The following ASCC3 variants were observed in gnomAD, a reference collection of about 807,000 sequenced individuals.
ASCC3 encodes activating signal cointegrator 1 complex subunit 3, also known as ASC-1 complex subunit P200.
ASCC3 carries 158 observed loss-of-function variants against 256.3 expected under a neutral mutation model. The observed-to-expected ratio is 0.62, with a 90% CI of 0.54 to 0.70. The LOEUF is 0.70. Among genes scored for constraint, ASCC3 ranks in the 30% least tolerant of loss-of-function variants. The pLI is 0.00. For missense variants in ASCC3, 2,259 were observed against 2,626.0 expected, an observed-to-expected ratio of 0.86 and a Z score of 3.05; for synonymous variants, 948 against 883.4, an observed-to-expected ratio of 1.07 and a Z score of -1.30.
At chr6:100,670,101 G>T (rs1370970395) in intron 14 of ASCC3, among the ~76,000 whole-genome samples, 1 of 151,844 alleles carries the variant, frequency 6.6e-6, no homozygotes, top group East Asian at 1.9e-4. Flanking sequence ...TACACAACGG[G>T]CCAAGATTAT....
In ASCC3 at chr6:100,647,303, G is replaced by C; in HGVS notation, c.3401C>G (p.Pro1134Arg). ...ASPLRQFSIL[P>R]PHILTRLEEK... ...TTCTAATCTTGTTAGGATGTGTGGT[G>C]GTAGGATTGAAAATTGTCTCAAAGG... The change falls in exon 21 of 42, where the codon CCA becomes CGA. Residue 1134 changes from proline to arginine, a missense_variant. By Grantham distance (103) the Pro-to-Arg change is moderately radical. Transcript: ENST00000369162. 6.2e-7 allele frequency: 1 copy of C among 1,613,926 alleles called. No individual in the cohort carries two copies. The highest frequency in any genetic ancestry group is 8.5e-7 in the Non-Finnish European group (1 of 1,179,930).
At chr6:100,859,299 C>T (rs912542813) in intron 3 of ASCC3, 1 of 772,856 alleles carries the variant, frequency 1.3e-6, no homozygotes, top group African/African-American at 1.7e-5. Flanking sequence ...TTGATAACTT[C>T]TCTGATATAG....
chr6:100,841,732 C>T (rs1772153003), intron 4 of ASCC3, among the ~76,000 whole-genome samples: 1 of 151,818 alleles, frequency 6.6e-6, no homozygotes, highest in Non-Finnish European at 1.5e-5. Flanking sequence ...CATCATATGT[C>T]TAAAAGACAG....
chr6:100,867,333 A>G (rs567257769), intron 2 of ASCC3, among the ~76,000 whole-genome samples: 2 of 152,332 alleles, frequency 1.3e-5, no homozygotes, highest in African/African-American at 4.8e-5. Flanking sequence ...CAGTCCATGT[A>G]CATTTAATTT....
chr6:100,745,056 C>A (rs1012491528), intron 10 of ASCC3, among the ~76,000 whole-genome samples: 1 of 152,064 alleles, frequency 6.6e-6, no homozygotes, highest in Non-Finnish European at 1.5e-5. Context: ...GGGCCAGGTG[C>A]GGGGGCTCAC....
chr6:100,730,190 A>G (rs1220468682), intron 10 of ASCC3, among the ~76,000 whole-genome samples: 1 of 151,778 alleles, frequency 6.6e-6, no homozygotes, highest in Non-Finnish European at 1.5e-5. Flanking sequence ...GTAGTCTTAC[A>G]GGGGGCTGAA....
At chr6:100,621,631 C>G (rs1168065678) in intron 30 of ASCC3, among the ~76,000 whole-genome samples, 1 of 152,130 alleles carries the variant, frequency 6.6e-6, no homozygotes, top group Non-Finnish European at 1.5e-5. Flanking sequence ...CACTTTTACA[C>G]TGTTGGTGAG....
intron 13 of ASCC3, among the ~76,000 whole-genome samples, chr6:100,697,058 A>G (rs1455992359): frequency 6.6e-6 from 1 of 152,116 alleles, no homozygotes; most frequent in Admixed American, 6.5e-5. Context: ...CAAAATTTTA[A>G]AACACATTTT....
intron 10 of ASCC3, among the ~76,000 whole-genome samples, chr6:100,753,511 A>T (rs1425350338): frequency 6.7e-6 from 1 of 149,772 alleles, no homozygotes; most frequent in Non-Finnish European, 1.5e-5. Flanking sequence ...TTTTTTTTAA[A>T]AAAAAAAACA....
At chr6:100,580,826 T>C (rs12192249) in intron 36 of ASCC3, among the ~76,000 whole-genome samples, 1 of 149,080 alleles carries the variant, frequency 6.7e-6, no homozygotes, top group Admixed American at 6.7e-5. Flanking sequence ...AGTGAGAATA[T>C]GCGGTGTTTG....
intron 36 of ASCC3, among the ~76,000 whole-genome samples, chr6:100,587,613 CTTGCTGTGGAAATTT>C (rs1771770849): frequency 6.6e-6 from 1 of 152,182 alleles, no homozygotes; most frequent in South Asian, 2.1e-4. Flanking sequence ...AGAAGATATT[CTTGCTGTGGAAATTT>C]TTATGGGGTA....
At chr6:100,796,394 G>C (rs1769615769) in intron 8 of ASCC3, among the ~76,000 whole-genome samples, 1 of 152,054 alleles carries the variant, frequency 6.6e-6, no homozygotes, top group Non-Finnish European at 1.5e-5. Flanking sequence ...CTGCATACCA[G>C]GTTTATAACA....
intron 13 of ASCC3, among the ~76,000 whole-genome samples, chr6:100,705,413 GTTTA>G (rs1317599868): frequency 2.0e-5 from 3 of 151,960 alleles, no homozygotes; most frequent in Non-Finnish European, 4.4e-5. Context: ...GAATTCATTT[GTTTA>G]TTTAAGATAA....
intron 30 of ASCC3, among the ~76,000 whole-genome samples, chr6:100,621,429 A>G (rs1354179190): frequency 1.3e-5 from 2 of 152,204 alleles, no homozygotes; most frequent in Admixed American, 6.5e-5. Context: ...TGGGCAAAGG[A>G]TATGAACAGA....
intron 30 of ASCC3, among the ~76,000 whole-genome samples, chr6:100,623,982 G>A (rs1774099391): frequency 6.6e-6 from 1 of 151,950 alleles, no homozygotes; most frequent in African/African-American, 2.4e-5. Context: ...GGGAGGAGGG[G>A]GGAGGGATAG....
intron 8 of ASCC3, among the ~76,000 whole-genome samples, chr6:100,790,104 A>T (rs1481276084): frequency 6.6e-6 from 1 of 151,970 alleles, no homozygotes; most frequent in Admixed American, 6.6e-5. Context: ...CAATGTGAGA[A>T]ATTAATTGAA....
chr6:100,608,097 C>CATATGTATGTATATATATGTATATAT (rs1391815541), intron 30 of ASCC3, among the ~76,000 whole-genome samples: 1 of 45,026 alleles, frequency 2.2e-5, no homozygotes, highest in Non-Finnish European at 4.1e-5. Context: ...TATCTATATA[C>CATATGTATGTATATATATGTATATAT]ACATATATAT....
chr6:100,523,304 C>A (rs1489362394), intron 37 of ASCC3, among the ~76,000 whole-genome samples: 24 of 151,902 alleles, frequency 1.6e-4, no homozygotes. Flanking sequence ...AATTTTTCAA[C>A]AATAAAATGC....
At chr6:100,664,913 T>G (rs1487620428) in intron 14 of ASCC3, among the ~76,000 whole-genome samples, 1 of 152,144 alleles carries the variant, frequency 6.6e-6, no homozygotes, top group Admixed American at 6.6e-5. Flanking sequence ...ATTGCTGGAT[T>G]GCTGTTTGGT....
Sources: gnomAD v4.1 joint callset for allele counts (sites outside exome capture counted in the v4.1 genomes callset) on GRCh38, gnomAD v4.1.1 for gene constraint, MANE v1.5 for transcripts, NCBI Gene and HGNC (gene_info 2026-07-23, HGNC 2026-07-21) for gene names.